The following HABP4 variants were observed in gnomAD, a reference collection of about 807,000 sequenced individuals.
The protein encoded by HABP4 is intracellular hyaluronan-binding protein 4.
HABP4 carries 32 observed loss-of-function variants against 44.1 expected under a neutral mutation model. The observed-to-expected ratio is 0.73, with a 90% confidence interval of 0.55 to 0.97. The LOEUF (loss-of-function observed/expected upper bound fraction) is 0.97, where lower values mean the gene tolerates loss of function less well. HABP4 is among the 50% of genes least tolerant of loss of function. The pLI, the probability that HABP4 is intolerant of heterozygous loss-of-function variation, is 0.00. For synonymous variants in HABP4, 216 were observed against 218.0 expected (o/e 0.99, Z 0.08); for missense variants, 503 against 561.9 (o/e 0.90, Z 1.06).
intron 4 of HABP4, among the ~76,000 whole-genome samples, chr9:96,466,004 A>G (rs932235428): frequency 6.6e-6 from 1 of 152,238 alleles, no homozygotes; most frequent in Admixed American, 6.5e-5. Context: ...TAGCCAAACA[A>G]ATTTGTGACA....
chr9:96,468,264 T>C (rs1341015064), intron 4 of HABP4, among the ~76,000 whole-genome samples: 1 of 150,740 alleles, frequency 6.6e-6, no homozygotes, highest in Non-Finnish European at 1.5e-5. Flanking sequence ...GCATTTTTTT[T>C]TTTTTTTTTC....
intron 6 of HABP4, among the ~76,000 whole-genome samples, chr9:96,485,266 G>A (rs1832952978): frequency 6.6e-6 from 1 of 152,164 alleles, no homozygotes; most frequent in South Asian, 2.1e-4. Context: ...GGTCAGGCTG[G>A]TCTTGAACTC....
chr9:96,474,445 C>T (rs370126094), intron 5 of HABP4, among the ~76,000 whole-genome samples: 3 of 152,098 alleles, frequency 2.0e-5, no homozygotes, highest in Non-Finnish European at 4.4e-5. Flanking sequence ...CTCTAGTATT[C>T]ATAATATTAG....
intron 5 of HABP4, among the ~76,000 whole-genome samples, chr9:96,480,535 G>A (rs775798253): frequency 6.6e-6 from 1 of 151,978 alleles, no homozygotes; most frequent in African/African-American, 2.4e-5. Flanking sequence ...ATTTTATAGC[G>A]AACATCTATA....
intron 5 of HABP4, among the ~76,000 whole-genome samples, chr9:96,478,882 C>T (rs1045643749): frequency 4.6e-5 from 7 of 152,204 alleles, no homozygotes; most frequent in Middle Eastern, 3.4e-3. Context: ...GCCTCGGCCT[C>T]CTGGAGTGCT....
chr9:96,491,314 T>C lies in HABP4; in HGVS notation c.*1276T>C, dbSNP rs1204111840. ...CTTTGAACTGGAACCCAAGTGCAAA[T>C]AAAGGTTGGTATTCGCTCCTGACTT... On this transcript the variant is annotated 3_prime_UTR_variant, in exon 8 of 8. Transcript: ENST00000375249. 3 of 152,216 alleles carry C rather than the reference T, an allele frequency of 2.0e-5. No homozygotes were observed. Among genetic ancestry groups the C allele is most frequent in the Non-Finnish European group, 4.4e-5 (3 of 68,048 alleles). 9.4% of individuals were successfully genotyped at this position (152,216 alleles called of 1,614,324 possible). A position where few individuals can be genotyped will look rare whatever the true frequency, so the allele number is the denominator to read the frequency against.
intron 1 of HABP4, chr9:96,451,366 C>A: frequency 2.7e-6 from 1 of 365,786 alleles, no homozygotes; most frequent in Non-Finnish European, 3.8e-6. Context: ...TGGTGTCCTG[C>A]TGCCTGTGGA....
rs192341819 is a variant in HABP4, at chr9:96,458,275, C to T, written c.350-104C>T. The stretch of plus-strand genomic sequence containing the variant: ...CTAAACTTCCTGAATTCTCCTATGA[C>T]GTTGATTTCTAGAAAAATGAAATTT... On this transcript the variant is annotated intron_variant, in intron 1 of 7. Transcript: ENST00000375249. 211 of 1,159,152 alleles carry T rather than the reference C, an allele frequency of 1.8e-4. No individual in the cohort carries two copies. In the African/African-American group the frequency reaches 2.8e-3, roughly 16 times the overall value. 71.8% of individuals were successfully genotyped at this position (1,159,152 alleles called of 1,614,324 possible). A position where few individuals can be genotyped will look rare whatever the true frequency, so the allele number is the denominator to read the frequency against.
chr9:96,467,557 A>T (rs759731431), intron 4 of HABP4, among the ~76,000 whole-genome samples: 28 of 111,352 alleles, frequency 2.5e-4, no homozygotes, highest in Admixed American at 1.4e-3. Flanking sequence ...ACGGAGTCTC[A>T]CTCTGTCACC....
Position 96,469,578 on chromosome 9 carries a change from A to G in HABP4, c.744-1433A>G, listed in dbSNP as rs183696028. 4.5e-3 allele frequency among the ~76,000 whole-genome samples: 688 copies of G among 152,068 alleles called. 6 individuals carry two copies. Among genetic ancestry groups the G allele is most frequent in the Non-Finnish European group, 6.9e-3 (467 of 67,986 alleles). On this transcript the variant is annotated intron_variant, in intron 4 of 7. Coordinates refer to ENST00000375249, the MANE Select transcript of HABP4 (RefSeq NM_014282.4). ...AGACAGAGTCTCCAGGCTGGAGTGC[A>G]GTGGCATGATCTCGGCTCACTGCAA...
At chr9:96,459,664 A>T (rs1832466143) in intron 2 of HABP4, among the ~76,000 whole-genome samples, 1 of 152,192 alleles carries the variant, frequency 6.6e-6, no homozygotes, top group Non-Finnish European at 1.5e-5. Flanking sequence ...CTTGACTGCT[A>T]ATTCCATTCC....
At chr9:96,469,591 C>T (rs1055735767) in intron 4 of HABP4, among the ~76,000 whole-genome samples, 1 of 151,938 alleles carries the variant, frequency 6.6e-6, no homozygotes, top group Non-Finnish European at 1.5e-5. Flanking sequence ...GGCATGATCT[C>T]GGCTCACTGC....
intron 1 of HABP4, among the ~76,000 whole-genome samples, chr9:96,456,816 TA>T (rs1832401258): frequency 8.8e-6 from 1 of 114,184 alleles, no homozygotes; most frequent in Admixed American, 9.4e-5. Flanking sequence ...TATATATATA[TA>T]TATATCCATT....
At chr9:96,472,904 C>T (rs1368359410) in intron 5 of HABP4, among the ~76,000 whole-genome samples, 1 of 152,186 alleles carries the variant, frequency 6.6e-6, no homozygotes, top group African/African-American at 2.4e-5. Flanking sequence ...CTTTCTTGAC[C>T]TCTCAGAAGC....
intron 6 of HABP4, among the ~76,000 whole-genome samples, chr9:96,486,570 G>C (rs886497477): frequency 6.8e-6 from 1 of 147,704 alleles, no homozygotes; most frequent in East Asian, 1.9e-4. Flanking sequence ...CAGAATATTT[G>C]AAGCAAGTGG....
chr9:96,471,140 T>A, intron 5 of HABP4, 46 bp downstream of exon 5: 1 of 1,004,290 alleles, frequency 1.0e-6, no homozygotes, highest in Non-Finnish European at 1.6e-6. Context: ...GTTCTCTTCT[T>A]AATGATTTCT....
At chr9:96,479,478 T>C (rs1832840321) in intron 5 of HABP4, among the ~76,000 whole-genome samples, 1 of 152,188 alleles carries the variant, frequency 6.6e-6, no homozygotes, top group Non-Finnish European at 1.5e-5. Flanking sequence ...GTAAAATATT[T>C]ACATGTTTCC....
intron 6 of HABP4, among the ~76,000 whole-genome samples, chr9:96,484,908 CTG>C (rs1361351644): frequency 6.6e-6 from 1 of 152,194 alleles, no homozygotes; most frequent in Non-Finnish European, 1.5e-5. Context: ...TGTGTATTAA[CTG>C]TATTTCATTT....
At chr9:96,469,542 C>CT (rs953411636) in intron 4 of HABP4, among the ~76,000 whole-genome samples, 12 of 151,188 alleles carry the variant, frequency 7.9e-5, no homozygotes, top group African/African-American at 2.9e-4. Context: ...ACCTTTTTTT[C>CT]TTTTTTTTTG....
Sources: allele counts gnomAD v4.1 joint callset (sites outside exome capture counted in the v4.1 genomes callset), GRCh38; gene constraint gnomAD v4.1.1; transcripts MANE v1.5; gene names NCBI Gene and HGNC (gene_info 2026-07-23, HGNC 2026-07-21).